The following JMJD1C variants were observed in gnomAD, a reference collection of about 807,000 sequenced individuals.
JMJD1C encodes the protein jumonji domain-containing protein 1C.
Under a neutral mutation model 245.3 loss-of-function variants are expected in JMJD1C, and 31 were observed. The observed-to-expected ratio is 0.13, with a 90% confidence interval of 0.09 to 0.17. JMJD1C has a LOEUF of 0.17. Ranked by LOEUF, JMJD1C falls within the 10% of genes least tolerant of loss-of-function variation. JMJD1C has a pLI of 1.00. For synonymous variants in JMJD1C, 1,057 were observed against 1,017.4 expected, an observed-to-expected ratio of 1.04 and a Z score of -0.74; for missense variants, 2,691 against 3,000.2, an observed-to-expected ratio of 0.90 and a Z score of 2.41.
intron 1 of JMJD1C, among the ~76,000 whole-genome samples, chr10:63,457,888 T>C (rs1952517210): frequency 6.6e-6 from 1 of 152,230 alleles, no homozygotes; most frequent in African/African-American, 2.4e-5. Flanking sequence ...TGCATAGTTT[T>C]GTTTTGCCAG....
intron 2 of JMJD1C, among the ~76,000 whole-genome samples, chr10:63,364,768 A>G (rs1361250194): frequency 1.3e-5 from 2 of 152,146 alleles, no homozygotes; most frequent in Non-Finnish European, 2.9e-5. Flanking sequence ...AGTACAGGCC[A>G]CCTCACACGT....
At chr10:63,262,984 C>T (rs1391542086) in intron 3 of JMJD1C, among the ~76,000 whole-genome samples, 1 of 152,138 alleles carries the variant, frequency 6.6e-6, no homozygotes, top group Admixed American at 6.5e-5. Flanking sequence ...TCCAAAAGTG[C>T]TAATAATACA....
intron 1 of JMJD1C, among the ~76,000 whole-genome samples, chr10:63,389,776 A>C (rs973895954): frequency 6.6e-6 from 1 of 152,194 alleles, no homozygotes; most frequent in Non-Finnish European, 1.5e-5. Flanking sequence ...AAAGTGAACA[A>C]CATGCTCCTA....
At chr10:63,490,149 G>A (rs914954790) in intron 1 of JMJD1C, among the ~76,000 whole-genome samples, 38 of 152,152 alleles carry the variant, frequency 2.5e-4, no homozygotes, top group African/African-American at 7.7e-4. Flanking sequence ...GTGCCAAAAA[G>A]GCTGGGGACC....
At chr10:63,272,666 A>T (rs1856442294) in intron 2 of JMJD1C, among the ~76,000 whole-genome samples, 1 of 152,262 alleles carries the variant, frequency 6.6e-6, no homozygotes, top group Non-Finnish European at 1.5e-5. Flanking sequence ...AAAAGAATCT[A>T]TGTAAATAAA....
intron 1 of JMJD1C, among the ~76,000 whole-genome samples, chr10:63,494,836 C>T (rs955222844): frequency 6.6e-6 from 1 of 152,156 alleles, no homozygotes; most frequent in African/African-American, 2.4e-5. Context: ...GTCACTAATA[C>T]AGAGAGAAAG....
intron 1 of JMJD1C, among the ~76,000 whole-genome samples, chr10:63,451,711 T>TG (rs1442068590): frequency 1.3e-5 from 2 of 152,168 alleles, no homozygotes; most frequent in Non-Finnish European, 1.5e-5. Flanking sequence ...TCCATGGATT[T>TG]GGGGGCTCTA....
At chr10:63,507,663 A>AAC (rs55674385) in intron 1 of JMJD1C, among the ~76,000 whole-genome samples, 3 of 150,920 alleles carry the variant, frequency 2.0e-5, no homozygotes, top group Non-Finnish European at 4.4e-5. Context: ...AAAAAAAAAA[A>AAC]CAGTGGCTGT....
At position 63,361,742 on chromosome 10, in the gene JMJD1C, A is replaced by AAAAAAG. The variant is rs1554902637; in HGVS notation, c.333+18570_333+18575dup. Reference sequence around the variant, plus strand: ...ACTAAAAAAAAAAAAAAAAAAAAAAAAAAAAGAAAAAGAATATCCTACTCC... The same window carrying AAAAAAG: ...ACTAAAAAAAAAAAAAAAAAAAAAAAAAAAAGAAAAAGAAAAAGAATATCCTACTCC... On this transcript the variant is annotated intron_variant, in intron 2 of 25. Coordinates refer to ENST00000399262, the MANE Select transcript of JMJD1C (RefSeq NM_032776.3). 1.4e-3 allele frequency among the ~76,000 whole-genome samples: 205 copies of AAAAAAG among 146,484 alleles called. 3 individuals are homozygous for AAAAAAG. The East Asian group carries it at 0.016, about 11-fold the overall frequency.
rs1028963923 is a variant in JMJD1C, at chr10:63,304,166, A to G, written c.334-39402T>C. ...ACTATATAAAATATCTTAAATTGTT[A>G]TGACCTCAAAATGGGACCAAAGACT... On this transcript the variant is annotated intron_variant, in intron 2 of 25. Coordinates refer to ENST00000399262, the MANE Select transcript of JMJD1C (RefSeq NM_032776.3). Among the ~76,000 whole-genome samples the G allele has an allele frequency of 2.0e-5, 3 of 152,234 alleles. No homozygotes were observed. The East Asian group carries it at 5.8e-4, about 29-fold the overall frequency.
At chr10:63,424,020 A>C (rs1437325248) in intron 1 of JMJD1C, among the ~76,000 whole-genome samples, 1 of 152,154 alleles carries the variant, frequency 6.6e-6, no homozygotes, top group East Asian at 1.9e-4. Context: ...GAAGTTCTTT[A>C]TATATTCTGC....
intron 2 of JMJD1C, among the ~76,000 whole-genome samples, chr10:63,325,902 A>T (rs1941438906): frequency 1.3e-5 from 2 of 152,190 alleles, no homozygotes; most frequent in South Asian, 4.1e-4. Flanking sequence ...TTCTATGTAG[A>T]TCAACATACT....
chr10:63,201,523 C>G (rs1191267676), intron 10 of JMJD1C, among the ~76,000 whole-genome samples: 1 of 152,086 alleles, frequency 6.6e-6, no homozygotes, highest in African/African-American at 2.4e-5. Flanking sequence ...TTAATAAGTA[C>G]AAGAACATTG....
intron 2 of JMJD1C, among the ~76,000 whole-genome samples, chr10:63,300,064 G>T (rs1859901201): frequency 6.7e-6 from 1 of 148,882 alleles, no homozygotes; most frequent in East Asian, 1.9e-4. Context: ...TAGAAAAACA[G>T]CTAAGTATAC....
intron 1 of JMJD1C, among the ~76,000 whole-genome samples, chr10:63,402,081 C>T (rs1297156255): frequency 6.6e-6 from 1 of 150,810 alleles, no homozygotes; most frequent in African/African-American, 2.4e-5. Context: ...TTGCAATGAG[C>T]CCAGATAGCG....
chr10:63,486,385 T>G (rs561959588), intron 1 of JMJD1C, among the ~76,000 whole-genome samples: 1 of 152,206 alleles, frequency 6.6e-6, no homozygotes, highest in South Asian at 2.1e-4. Context: ...TGTGAAGCTG[T>G]ATTTTAGACT....
At chr10:63,453,740 G>C (rs1198271908) in intron 1 of JMJD1C, among the ~76,000 whole-genome samples, 1 of 151,646 alleles carries the variant, frequency 6.6e-6, no homozygotes, top group African/African-American at 2.4e-5. Flanking sequence ...GTTTTTTTTT[G>C]TTTTTTGTTT....
At chr10:63,173,867 G>A (rs1010064538) in intron 24 of JMJD1C, among the ~76,000 whole-genome samples, 1 of 152,178 alleles carries the variant, frequency 6.6e-6, no homozygotes, top group East Asian at 1.9e-4. Context: ...AAAAAAAGCA[G>A]CTAAATAGAC....
chr10:63,506,278 G>A (rs533968742), intron 1 of JMJD1C, among the ~76,000 whole-genome samples: 1 of 152,302 alleles, frequency 6.6e-6, no homozygotes, highest in Admixed American at 6.5e-5. Context: ...TAGGAAGAAA[G>A]CTTTAGAGTT....
Sources: gnomAD v4.1 joint callset for allele counts (sites outside exome capture counted in the v4.1 genomes callset) on GRCh38, gnomAD v4.1.1 for gene constraint, MANE v1.5 for transcripts, NCBI Gene and HGNC (gene_info 2026-07-23, HGNC 2026-07-21) for gene names.